BICC1: variants seen among roughly 807,000 people sequenced by gnomAD.
The protein encoded by BICC1 is protein bicaudal C homolog 1.
In BICC1, 43 loss-of-function variants were observed where a neutral mutation model predicts 111.0. The ratio of observed to expected loss-of-function variants is 0.39; its 90% CI spans 0.30 to 0.50. The LOEUF is 0.50. Among genes scored for constraint, BICC1 ranks in the 20% least tolerant of loss-of-function variants. BICC1 has a pLI of 0.88. For synonymous variants in BICC1, 467 were observed against 434.4 expected (o/e 1.07, Z -0.93); for missense variants, 1,091 against 1,203.2 (o/e 0.91, Z 1.38).
rs777683203 is a variant in BICC1 at position 58,793,475 on chromosome 10, A to G, written c.1048-9A>G. On this transcript the variant is annotated splice_polypyrimidine_tract_variant and intron_variant, in intron 8 of 20. Transcript: ENST00000373886. ...TACCTCCTACACATTCTATTGTGAC[A>G]TTTTCTAGGGTTGTCTTCCTCTTGT... 2 of 1,607,546 alleles carry G rather than the reference A, an allele frequency of 1.2e-6. No homozygotes were observed. Among genetic ancestry groups the G allele is most frequent in the Non-Finnish European group, 1.7e-6 (2 of 1,176,146 alleles).
rs1251331327 is a variant in BICC1, at chr10:58,515,285, G to A, written c.190+1952G>A. Among the ~76,000 whole-genome samples, 5 of 152,160 alleles carry A rather than the reference G, an allele frequency of 3.3e-5. No individual in the cohort carries two copies. The South Asian group carries it at 1.0e-3, about 32-fold the overall frequency. ...CAGTCCATGCTTAAGGACTACGACTGGGATACCTTGTTAGAAATGTGTCCT... is the reference window on the plus strand; with the variant it reads ...CAGTCCATGCTTAAGGACTACGACTAGGATACCTTGTTAGAAATGTGTCCT... On this transcript the variant is annotated intron_variant, in intron 1 of 20. Coordinates refer to ENST00000373886, the MANE Select transcript of BICC1 (RefSeq NM_001080512.3).
intron 1 of BICC1, among the ~76,000 whole-genome samples, chr10:58,614,068 A>G (rs1417806459): frequency 1.3e-5 from 2 of 152,120 alleles, no homozygotes; most frequent in Non-Finnish European, 2.9e-5. Context: ...TCTTGGAAAG[A>G]CTTTATATTT....
intron 17 of BICC1, among the ~76,000 whole-genome samples, chr10:58,810,057 GC>G (rs1843851833): frequency 6.6e-6 from 1 of 152,210 alleles, no homozygotes; most frequent in African/African-American, 2.4e-5. Flanking sequence ...TGTGTTTTCA[GC>G]AAGAACCTAG....
chr10:58,766,949 G>T (rs892142016), intron 3 of BICC1, among the ~76,000 whole-genome samples: 1 of 151,490 alleles, frequency 6.6e-6, no homozygotes, highest in African/African-American at 2.4e-5. Flanking sequence ...GGAAAGGTGG[G>T]GATGGGGGTG....
chr10:58,571,534 A>T (rs1349641213), intron 1 of BICC1, among the ~76,000 whole-genome samples: 1 of 117,366 alleles, frequency 8.5e-6, no homozygotes, highest in Non-Finnish European at 1.6e-5. Context: ...TGTTCCACCC[A>T]TATGTCCATG....
chr10:58,574,287 A>G (rs1325886370), intron 1 of BICC1, among the ~76,000 whole-genome samples: 1 of 152,158 alleles, frequency 6.6e-6, no homozygotes, highest in Non-Finnish European at 1.5e-5. Context: ...ATGTTGAAAT[A>G]TAAGGAACAT....
chr10:58,814,782 C>T (rs1394410258), intron 18 of BICC1, among the ~76,000 whole-genome samples: 1 of 151,092 alleles, frequency 6.6e-6, no homozygotes, highest in Admixed American at 6.6e-5. Context: ...GGTGACAGAG[C>T]GAGACCCTGT....
intron 2 of BICC1, among the ~76,000 whole-genome samples, chr10:58,681,738 G>T (rs776782409): frequency 3.3e-5 from 5 of 152,136 alleles, no homozygotes; most frequent in Admixed American, 6.5e-5. Flanking sequence ...TAAAGATGGT[G>T]TATCCAGAGT....
chr10:58,719,882 T>G lies in BICC1; in HGVS notation c.307+17739T>G, dbSNP rs1589059700. Among the ~76,000 whole-genome samples, 6 of 152,334 alleles carry G rather than the reference T, an allele frequency of 3.9e-5. No homozygotes were observed. In the South Asian group the frequency reaches 1.2e-3, roughly 32 times the overall value. ...CCCTGGCAGCTGACAGGCCACATAATGTTCCCAACTGAACATAAATACCTC... is the reference window on the plus strand; with the variant it reads ...CCCTGGCAGCTGACAGGCCACATAAGGTTCCCAACTGAACATAAATACCTC... On this transcript the variant is annotated intron_variant, in intron 3 of 20. Transcript: ENST00000373886.
intron 1 of BICC1, among the ~76,000 whole-genome samples, chr10:58,572,531 T>C (rs59055935): frequency 0.12 from 18,374 of 152,094 alleles, 1,419 homozygotes; most frequent in African/African-American, 0.22. Context: ...AAAAATACAT[T>C]ATTTTCATGG....
chr10:58,649,274 G>A (rs769858856), intron 2 of BICC1, among the ~76,000 whole-genome samples: 10 of 152,156 alleles, frequency 6.6e-5, no homozygotes, highest in Non-Finnish European at 1.3e-4. Context: ...ACTTGTTGAT[G>A]TGCCCCAATG....
chr10:58,807,023 G>A lies in BICC1; in HGVS notation c.2241G>A (p.Val747=), dbSNP rs1316945568. 4.3e-6 allele frequency: 7 copies of A among 1,613,228 alleles called. No individual in the cohort carries two copies. The highest frequency in any genetic ancestry group is 1.1e-5 in the South Asian group (1 of 90,848). ...CCAAAGCTATGTTAAAGAAACCAGT[G>A]GTGACGGAGGTCAGAACGCCCACAA... The part of the protein sequence containing the change: ...LATKAMLKKP[V]VTEVRTPTNT... The change falls in exon 17 of 21, where the codon GTG becomes GTA. Residue 747 remains valine (V), a synonymous_variant. Transcript: ENST00000373886.
intron 1 of BICC1, among the ~76,000 whole-genome samples, chr10:58,595,123 A>G (rs1234831294): frequency 6.6e-6 from 1 of 152,264 alleles, no homozygotes; most frequent in African/African-American, 2.4e-5. Flanking sequence ...AAAGAAGGCC[A>G]TTACATAATG....
rs957041130 is a variant in BICC1 at position 58,527,063 on chromosome 10, A to G, written c.190+13730A>G. 2.6e-4 allele frequency among the ~76,000 whole-genome samples: 39 copies of G among 152,228 alleles called. 1 individual carries two copies. The highest frequency in any genetic ancestry group is 1.3e-3 in the Admixed American group (20 of 15,284). On this transcript the variant is annotated intron_variant, in intron 1 of 20. Coordinates refer to ENST00000373886, the MANE Select transcript of BICC1 (RefSeq NM_001080512.3). ...CCACCAACGGTTTAAAAGTGTTCCT[A>G]TTTCTCCACATCCTCCCCAGCACCT...
intron 3 of BICC1, among the ~76,000 whole-genome samples, chr10:58,774,710 A>G (rs1023270991): frequency 6.6e-6 from 1 of 152,054 alleles, no homozygotes; most frequent in African/African-American, 2.4e-5. Context: ...ACTGGTTTTT[A>G]TTTCCACCAA....
rs1055588199 is a variant in BICC1, at chr10:58,829,810, C to A, written c.*919C>A. 6.6e-6 allele frequency: 1 copy of A among 152,058 alleles called. No individual in the cohort carries two copies. Among genetic ancestry groups the A allele is most frequent in the Non-Finnish European group, 1.5e-5 (1 of 68,016 alleles). The allele number at this position is 152,058 out of a possible 1,614,324, so 9.4% of individuals were successfully genotyped here. On this transcript the variant is annotated 3_prime_UTR_variant, in exon 21 of 21. Transcript: ENST00000373886. Reference sequence around the variant, plus strand: ...CTAAAGGACATTTATTTATATCAAACTTTTATTTTTAGATATTATAAGCAT... The same window carrying A: ...CTAAAGGACATTTATTTATATCAAAATTTTATTTTTAGATATTATAAGCAT...
At chr10:58,755,398 G>A (rs1842117009) in intron 3 of BICC1, among the ~76,000 whole-genome samples, 1 of 152,130 alleles carries the variant, frequency 6.6e-6, no homozygotes. Context: ...CTGATTCCTT[G>A]GTGGACAACC....
intron 2 of BICC1, among the ~76,000 whole-genome samples, chr10:58,657,807 T>C (rs1354511179): frequency 5.1e-4 from 2 of 3,928 alleles, no homozygotes; most frequent in African/African-American, 5.7e-4. Flanking sequence ...AGATCACTCA[T>C]ATTTTTTTTT....
At position 58,732,379 on chromosome 10, in the gene BICC1, GTATATATATATATA is replaced by G. The variant is rs1163026692; in HGVS notation, c.307+30285_307+30298del. Among the ~76,000 whole-genome samples the G allele has an allele frequency of 1.3e-3, 102 of 75,738 alleles. 3 individuals carry two copies. The highest frequency in any genetic ancestry group is 5.4e-3 in the African/African-American group (75 of 13,952). 49.7% of individuals were successfully genotyped at this position (75,738 alleles called of 152,430 possible). On this transcript the variant is annotated intron_variant, in intron 3 of 20. Coordinates refer to ENST00000373886, the MANE Select transcript of BICC1 (RefSeq NM_001080512.3). ...TGTGTGTGTGTGTGTGTGTGTGTATGTATATATATATATATATATATATATATATATATATATAT... is the reference window on the plus strand; with the variant it reads ...TGTGTGTGTGTGTGTGTGTGTGTATGTATATATATATATATATATATATAT...
Sources: gnomAD v4.1 joint callset for allele counts (sites outside exome capture counted in the v4.1 genomes callset) on GRCh38, gnomAD v4.1.1 for gene constraint, MANE v1.5 for transcripts, NCBI Gene and HGNC (gene_info 2026-07-23, HGNC 2026-07-21) for gene names.